Variants in COL4A2 observed in about 807,000 individuals in gnomAD.
The protein encoded by COL4A2 is collagen alpha-2(IV) chain.
COL4A2 carries 99 observed loss-of-function variants against 200.2 expected under a neutral mutation model. The ratio of observed to expected loss-of-function variants is 0.49; its 90% CI spans 0.42 to 0.58. COL4A2 has a LOEUF of 0.58. Ranked by LOEUF, COL4A2 falls within the 20% of genes least tolerant of loss-of-function variation. COL4A2 has a pLI of 0.00. For synonymous variants in COL4A2, 897 were observed against 900.6 expected (o/e 1.00, Z 0.07); for missense variants, 1,950 against 2,314.1 (o/e 0.84, Z 3.23).
chr13:110,320,752 G>A (rs1053765832), intron 3 of COL4A2, among the ~76,000 whole-genome samples: 4 of 152,166 alleles, frequency 2.6e-5, no homozygotes, highest in African/African-American at 9.7e-5. Context: ...TTTAAAAGTT[G>A]CCTTTTTCTC....
At chr13:110,369,711 C>T (rs923078580) in intron 4 of COL4A2, among the ~76,000 whole-genome samples, 11 of 152,088 alleles carry the variant, frequency 7.2e-5, no homozygotes, top group East Asian at 3.8e-4. Context: ...CCACCCTTCC[C>T]GCCTCAGCTT....
chr13:110,507,884 T>C (rs753642997), intron 46 of COL4A2, 51 bp from the exon 47 acceptor site: 2 of 1,571,158 alleles, frequency 1.3e-6, no homozygotes, highest in African/African-American at 1.3e-5. Flanking sequence ...GGCTGGCAGG[T>C]GCGTCTTCTA....
At chr13:110,509,260 TATATATATATACACAC>T (rs1399283409) in intron 47 of COL4A2, among the ~76,000 whole-genome samples, 4 of 122,356 alleles carry the variant, frequency 3.3e-5, no homozygotes, top group South Asian at 2.7e-4. Flanking sequence ...TATATATATA[TATATATATATACACAC>T]ACACACACAC....
At chr13:110,348,453 C>A (rs1269853761) in intron 3 of COL4A2, among the ~76,000 whole-genome samples, 1 of 152,208 alleles carries the variant, frequency 6.6e-6, no homozygotes, top group East Asian at 1.9e-4. Flanking sequence ...CCTGCTAATA[C>A]CATGTTGGAA....
chr13:110,334,936 C>T (rs554576009), intron 3 of COL4A2, among the ~76,000 whole-genome samples: 1 of 152,310 alleles, frequency 6.6e-6, no homozygotes, highest in South Asian at 2.1e-4. Flanking sequence ...CAGATCCACG[C>T]AGCCCGTCTT....
chr13:110,387,846 C>T (rs142271316), intron 4 of COL4A2, among the ~76,000 whole-genome samples: 257 of 152,306 alleles, frequency 1.7e-3, no homozygotes, highest in Non-Finnish European at 3.1e-3. Flanking sequence ...TCCACCTCTG[C>T]GGAGCTCTGA....
chr13:110,409,079 T>C (rs1241919195), intron 4 of COL4A2, among the ~76,000 whole-genome samples: 1 of 134,606 alleles, frequency 7.4e-6, no homozygotes, highest in Non-Finnish European at 1.6e-5. Context: ...CGTACACACA[T>C]GCACATATAT....
chr13:110,314,809 C>T (rs1442045166), intron 3 of COL4A2, among the ~76,000 whole-genome samples: 4 of 152,162 alleles, frequency 2.6e-5, no homozygotes, highest in African/African-American at 7.2e-5. Flanking sequence ...GCCCCCTTCC[C>T]GCCTGCCTAG....
At chr13:110,467,609 G>C (rs909486522) in intron 27 of COL4A2, among the ~76,000 whole-genome samples, 1 of 152,224 alleles carries the variant, frequency 6.6e-6, no homozygotes, top group Non-Finnish European at 1.5e-5. Flanking sequence ...AAGAGTCTGG[G>C]TGCCCTTCAC....
intron 4 of COL4A2, among the ~76,000 whole-genome samples, chr13:110,412,496 A>G (rs1879881367): frequency 6.6e-6 from 1 of 152,248 alleles, no homozygotes; most frequent in Non-Finnish European, 1.5e-5. Flanking sequence ...GAAACAGTAA[A>G]AAGACCAAAC....
At chr13:110,440,834 CT>C (rs1374732800) in intron 16 of COL4A2, among the ~76,000 whole-genome samples, 1 of 152,180 alleles carries the variant, frequency 6.6e-6, no homozygotes, top group East Asian at 1.9e-4. Context: ...TCACATCACA[CT>C]CATGCCAACA....
At chr13:110,484,211 C>T (rs986912535) in intron 32 of COL4A2, among the ~76,000 whole-genome samples, 4 of 152,178 alleles carry the variant, frequency 2.6e-5, no homozygotes, top group African/African-American at 7.2e-5. Flanking sequence ...CACTGGTGGG[C>T]ACGCTCTGTG....
intron 4 of COL4A2, among the ~76,000 whole-genome samples, chr13:110,365,692 C>A (rs1877715769): frequency 6.6e-6 from 1 of 152,232 alleles, no homozygotes; most frequent in African/African-American, 2.4e-5. Flanking sequence ...ACCCTGGCCC[C>A]ATTGCAGCCC....
At chr13:110,400,547 C>G (rs1879335776) in intron 4 of COL4A2, among the ~76,000 whole-genome samples, 1 of 151,990 alleles carries the variant, frequency 6.6e-6, no homozygotes, top group South Asian at 2.1e-4. Flanking sequence ...TGAATCTATC[C>G]CCATTTATTA....
At chr13:110,448,747 C>T (rs1052086202) in intron 18 of COL4A2, among the ~76,000 whole-genome samples, 1 of 152,222 alleles carries the variant, frequency 6.6e-6, no homozygotes, top group Non-Finnish European at 1.5e-5. Flanking sequence ...GTGTAGGTCA[C>T]ACTGTGTGCC....
At chr13:110,493,330 G>T in intron 39 of COL4A2, 48 bp downstream of exon 39, 1 of 1,586,956 alleles carries the variant, frequency 6.3e-7, no homozygotes, top group Non-Finnish European at 8.7e-7. Flanking sequence ...GGTGTCGAGG[G>T]TGGGGACTCT....
intron 18 of COL4A2, among the ~76,000 whole-genome samples, chr13:110,449,032 G>C (rs2391830): frequency 0.43 from 64,892 of 151,608 alleles, 14,065 homozygotes; most frequent in South Asian, 0.48. Context: ...CTTGCACGTG[G>C]GACTTCAGTG....
intron 4 of COL4A2, among the ~76,000 whole-genome samples, chr13:110,394,582 A>C (rs144365887): frequency 1.3e-5 from 2 of 152,318 alleles, no homozygotes; most frequent in East Asian, 3.9e-4. Context: ...GTGCAATTAC[A>C]CAAGGATGGT....
At chr13:110,311,372 G>C (rs545060076) in intron 3 of COL4A2, among the ~76,000 whole-genome samples, 1 of 152,178 alleles carries the variant, frequency 6.6e-6, no homozygotes, top group Non-Finnish European at 1.5e-5. Context: ...AAATGGCTTC[G>C]TGTAAGGCAG....
Sources: allele counts gnomAD v4.1 joint callset (sites outside exome capture counted in the v4.1 genomes callset), GRCh38; gene constraint gnomAD v4.1.1; transcripts MANE v1.5; gene names NCBI Gene and HGNC (gene_info 2026-07-23, HGNC 2026-07-21).